DGKB: variants seen among roughly 807,000 people sequenced by gnomAD.
DGKB encodes the protein diacylglycerol kinase beta.
In DGKB, 67 loss-of-function variants were observed where a neutral mutation model predicts 114.3. That is an observed-to-expected ratio of 0.59 (90% CI 0.48 to 0.72). DGKB has a LOEUF of 0.72. Among genes scored for constraint, DGKB ranks in the 30% least tolerant of loss-of-function variants. The pLI, the probability that DGKB is intolerant of heterozygous loss-of-function variation, is 0.00. For missense variants in DGKB, 907 were observed against 975.2 expected, an observed-to-expected ratio of 0.93 and a Z score of 0.93; for synonymous variants, 398 against 323.1, an observed-to-expected ratio of 1.23 and a Z score of -2.49.
chr7:14,191,690 G>C, intron 23 of DGKB: 1 of 325,442 alleles, frequency 3.1e-6, no homozygotes, highest in South Asian at 3.2e-5. Flanking sequence ...GGACAAAGGG[G>C]GCTTCAATGT....
chr7:14,827,203 T>C (rs561970565), intron 2 of DGKB, among the ~76,000 whole-genome samples: 1 of 152,296 alleles, frequency 6.6e-6, no homozygotes, highest in African/African-American at 2.4e-5. Flanking sequence ...ATCATATTAT[T>C]TGTGGAATGT....
At chr7:14,706,078 G>A (rs373159361) in intron 6 of DGKB, among the ~76,000 whole-genome samples, 1,706 of 140,302 alleles carry the variant, frequency 0.012, 34 homozygotes, top group African/African-American at 0.043. Context: ...CCCATCTCAC[G>A]TGCAGAGACA....
In DGKB at chr7:14,504,393, T is replaced by C. The variant is rs183033655; in HGVS notation, c.1771-26168A>G. On this transcript the variant is annotated intron_variant, in intron 20 of 25. Coordinates refer to ENST00000402815, the MANE Select transcript of DGKB (RefSeq NM_001350709.2). ...GGAGTTCAGATTGTCACTAGCTAAA[T>C]GGATATCCATTGACTAGCTTCTTAT... Among the ~76,000 whole-genome samples, 512 of 152,310 alleles carry C rather than the reference T, an allele frequency of 3.4e-3. 11 individuals are homozygous for C. Among genetic ancestry groups the C allele is most frequent in the Non-Finnish European group, 4.1e-3 (280 of 68,034 alleles).
intron 21 of DGKB, among the ~76,000 whole-genome samples, chr7:14,466,455 G>A (rs1207555364): frequency 1.3e-5 from 2 of 152,126 alleles, no homozygotes; most frequent in East Asian, 3.9e-4. Flanking sequence ...TAACACCTTA[G>A]AAATGTTTTT....
At chr7:14,586,924 G>C (rs1426247651) in intron 17 of DGKB, among the ~76,000 whole-genome samples, 1 of 151,762 alleles carries the variant, frequency 6.6e-6, no homozygotes, top group Non-Finnish European at 1.5e-5. Flanking sequence ...CCAATATTCT[G>C]ATGGAGATGT....
intron 23 of DGKB, among the ~76,000 whole-genome samples, chr7:14,252,132 T>C (rs1425075447): frequency 6.6e-6 from 1 of 152,172 alleles, no homozygotes; most frequent in Non-Finnish European, 1.5e-5. Context: ...TAATGCATAT[T>C]TGGCTTTCTT....
intron 23 of DGKB, among the ~76,000 whole-genome samples, chr7:14,244,064 A>G (rs944620474): frequency 2.0e-5 from 3 of 152,122 alleles, no homozygotes; most frequent in Admixed American, 6.5e-5. Context: ...GGAGAGAGAG[A>G]GAGATCAATT....
intron 1 of DGKB, among the ~76,000 whole-genome samples, chr7:14,879,084 T>C (rs1587128954): frequency 6.6e-6 from 1 of 151,898 alleles, no homozygotes; most frequent in East Asian, 1.9e-4. Context: ...CAGAGGAAAA[T>C]GTCACACAGA....
intron 13 of DGKB, among the ~76,000 whole-genome samples, chr7:14,652,664 G>C (rs6968675): frequency 0.78 from 112,908 of 145,634 alleles, 44,261 homozygotes; most frequent in African/African-American, 0.86. Flanking sequence ...TCTAATTAAA[G>C]TAAAGAGCTT....
At position 14,284,277 on chromosome 7, in the gene DGKB, C is replaced by A. The variant is rs1800466256; in HGVS notation, c.2122+54238G>T. Among the ~76,000 whole-genome samples the A allele has an allele frequency of 2.0e-5, 3 of 146,894 alleles. No individual in the cohort carries two copies. The South Asian group carries it at 6.3e-4, about 31-fold the overall frequency. ...ATGAAAAAATGCTCACCATCACTGG[C>A]CATCAGAGAAATGCAAATCAAAACC... On this transcript the variant is annotated intron_variant, in intron 23 of 25. Transcript: ENST00000402815.
chr7:14,899,398 A>ATT (rs1424635432), intron 1 of DGKB, among the ~76,000 whole-genome samples: 1 of 152,138 alleles, frequency 6.6e-6, no homozygotes, highest in African/African-American at 2.4e-5. Flanking sequence ...CTTTACAGCT[A>ATT]TTTAAAGAGA....
intron 25 of DGKB, among the ~76,000 whole-genome samples, chr7:14,161,556 T>TAACA (rs1370881136): frequency 6.6e-6 from 1 of 151,364 alleles, no homozygotes; most frequent in East Asian, 2.0e-4. Context: ...ATCAGCAAAC[T>TAACA]AACACAGGAA....
intron 23 of DGKB, among the ~76,000 whole-genome samples, chr7:14,322,538 TAGC>T (rs1347384964): frequency 2.6e-5 from 4 of 152,158 alleles, no homozygotes; most frequent in South Asian, 2.1e-4. Context: ...AAAAATAATA[TAGC>T]AGATGTTCAA....
At chr7:14,625,382 G>C (rs544629663) in intron 14 of DGKB, among the ~76,000 whole-genome samples, 1 of 152,114 alleles carries the variant, frequency 6.6e-6, no homozygotes, top group African/African-American at 2.4e-5. Context: ...GGACAGGAAG[G>C]GGGAGGCAAC....
intron 14 of DGKB, among the ~76,000 whole-genome samples, chr7:14,627,547 T>C (rs1808805184): frequency 6.6e-6 from 1 of 152,042 alleles, no homozygotes; most frequent in African/African-American, 2.4e-5. Flanking sequence ...TGCTAGTACA[T>C]GGCAGCACCA....
intron 20 of DGKB, among the ~76,000 whole-genome samples, chr7:14,538,025 A>C (rs1304464130): frequency 7.3e-6 from 1 of 136,430 alleles, no homozygotes; most frequent in Non-Finnish European, 1.5e-5. Flanking sequence ...GTTTGTGGTG[A>C]GCTGAGATCA....
intron 21 of DGKB, among the ~76,000 whole-genome samples, chr7:14,393,985 GA>G (rs201505394): frequency 6.7e-4 from 96 of 143,236 alleles, no homozygotes; most frequent in East Asian, 3.8e-3. Context: ...TTTTTAAAAA[GA>G]AAAAAAAAAA....
At chr7:14,321,759 A>T (rs1160794960) in intron 23 of DGKB, among the ~76,000 whole-genome samples, 1 of 152,192 alleles carries the variant, frequency 6.6e-6, no homozygotes, top group Non-Finnish European at 1.5e-5. Context: ...TTTTGGTACA[A>T]CAAAAACAAT....
intron 20 of DGKB, among the ~76,000 whole-genome samples, chr7:14,520,472 T>G (rs935758658): frequency 2.0e-5 from 3 of 151,950 alleles, no homozygotes; most frequent in Admixed American, 2.0e-4. Flanking sequence ...TCTATAAATG[T>G]TCCTCTAAAC....
Sources: gnomAD v4.1 joint callset for allele counts (sites outside exome capture counted in the v4.1 genomes callset) on GRCh38, gnomAD v4.1.1 for gene constraint, MANE v1.5 for transcripts, NCBI Gene and HGNC (gene_info 2026-07-23, HGNC 2026-07-21) for gene names.